Variants in FAM83F observed in about 807,000 individuals in gnomAD.
FAM83F encodes the protein scaffolding CK1 anchoring protein F.
FAM83F carries 45 observed loss-of-function variants against 42.9 expected under a neutral mutation model. The observed-to-expected ratio is 1.05, with a 90% confidence interval of 0.83 to 1.35. FAM83F has a LOEUF of 1.35. Ranked by LOEUF, FAM83F falls within the 40% of genes most tolerant of loss-of-function variation. The pLI, the probability that FAM83F is intolerant of heterozygous loss-of-function variation, is 0.00. For missense variants in FAM83F, 617 were observed against 695.9 expected, an observed-to-expected ratio of 0.89 and a Z score of 1.28; for synonymous variants, 306 against 298.3, an observed-to-expected ratio of 1.03 and a Z score of -0.27.
chr22:40,011,285 G>A (rs1022087802), intron 1 of FAM83F, among the ~76,000 whole-genome samples: 3 of 152,064 alleles, frequency 2.0e-5, no homozygotes, highest in African/African-American at 7.3e-5. Flanking sequence ...TCCACCTCCC[G>A]GGTTCAAGCC....
intron 4 of FAM83F, among the ~76,000 whole-genome samples, chr22:40,026,547 A>C (rs2067554018): frequency 6.6e-6 from 1 of 151,962 alleles, no homozygotes; most frequent in African/African-American, 2.4e-5. Flanking sequence ...AAAACAAAAA[A>C]CTGTTCGGAA....
intron 4 of FAM83F, among the ~76,000 whole-genome samples, chr22:40,022,394 G>T (rs2067528417): frequency 6.6e-6 from 1 of 152,214 alleles, no homozygotes; most frequent in African/African-American, 2.4e-5. Context: ...CTGGCTCTGA[G>T]TTGAGGGCTC....
chr22:39,995,278 C>G lies in FAM83F; in HGVS notation c.236C>G (p.Pro79Arg). 6.5e-7 allele frequency: 1 copy of G among 1,536,142 alleles called. No homozygotes were observed. The highest frequency in any genetic ancestry group is 8.7e-7 in the Non-Finnish European group (1 of 1,145,882). The change falls in exon 1 of 5, where the codon CCC (proline) becomes CGC (arginine). Residue 79 changes from proline to arginine, a missense_variant. By Grantham distance (103) the Pro-to-Arg change is moderately radical. Transcript: ENST00000333407. This position sits in a 1 kb window ranked among gnomAD's most constrained non-coding sequence, Gnocchi z 4.6. ...AAWSPYEDAV[P>R]AANARGKSKA... Reference sequence around the variant, plus strand: ...TGGAGCCCCTACGAGGACGCCGTCCCCGCCGCCAACGCCCGGGGCAAGAGC... The same window carrying G: ...TGGAGCCCCTACGAGGACGCCGTCCGCGCCGCCAACGCCCGGGGCAAGAGC...
intron 4 of FAM83F, 82 bp downstream of exon 4, chr22:40,022,045 C>G: frequency 8.3e-7 from 1 of 1,208,286 alleles, no homozygotes; most frequent in Non-Finnish European, 1.1e-6. Flanking sequence ...GGAGCACTGC[C>G]TCATACCTGC....
At position 40,041,382 on chromosome 22, in the gene FAM83F, C is replaced by T. The variant is rs1039657537; in HGVS notation, c.*11817C>T. 3 of 152,232 alleles carry T rather than the reference C, an allele frequency of 2.0e-5. No individual in the cohort carries two copies. The highest frequency in any genetic ancestry group is 6.5e-5 in the Admixed American group (1 of 15,286). The allele number at this position is 152,232 out of a possible 1,614,324, so 9.4% of individuals were successfully genotyped here. A position where few individuals can be genotyped will look rare whatever the true frequency, so the allele number is the denominator to read the frequency against. ...AGAGAGCACCCTGGCATAGCATTCTCTGACCTGGGCTGCCTTTTCAGGGTA... is the reference window on the plus strand; with the variant it reads ...AGAGAGCACCCTGGCATAGCATTCTTTGACCTGGGCTGCCTTTTCAGGGTA... On this transcript the variant is annotated 3_prime_UTR_variant, in exon 5 of 5. Transcript: ENST00000333407.
Position 40,036,717 on chromosome 22 carries a change from T to G in FAM83F, c.*7152T>G, listed in dbSNP as rs1284759917. On this transcript the variant is annotated 3_prime_UTR_variant, in exon 5 of 5. Coordinates refer to ENST00000333407, the MANE Select transcript of FAM83F (RefSeq NM_138435.4). ...GTGACTATAGCCTGGTGGGACGGGG[T>G]CTAGGGGCCACAGTCCTGGTCCTGC... 1 of 152,000 alleles carries G rather than the reference T, an allele frequency of 6.6e-6. No homozygotes were observed. The highest frequency in any genetic ancestry group is 1.5e-5 in the Non-Finnish European group (1 of 68,058). 9.4% of individuals were successfully genotyped at this position (152,000 alleles called of 1,614,324 possible).
Position 40,039,911 on chromosome 22 carries a change from T to C in FAM83F, c.*10346T>C, listed in dbSNP as rs2067644049. On this transcript the variant is annotated 3_prime_UTR_variant, in exon 5 of 5. Transcript: ENST00000333407. ...AAATGAATTTCAGTAGAGTTAGGGC[T>C]AGAAGCCAGGTTCAGAGAGAGAAAA... 1 of 152,216 alleles carries C rather than the reference T, an allele frequency of 6.6e-6. No homozygotes were observed. The highest frequency in any genetic ancestry group is 1.5e-5 in the Non-Finnish European group (1 of 68,044). The allele number at this position is 152,216 out of a possible 1,614,324, so 9.4% of individuals were successfully genotyped here. A position where few individuals can be genotyped will look rare whatever the true frequency, so the allele number is the denominator to read the frequency against.
At chr22:40,002,051 G>C (rs939092570) in intron 1 of FAM83F, among the ~76,000 whole-genome samples, 3 of 152,200 alleles carry the variant, frequency 2.0e-5, no homozygotes, top group African/African-American at 7.2e-5. Flanking sequence ...AGCTGCCTTC[G>C]GGAGGCTGTG....
At chr22:40,029,357 GC>G (rs1483733074) in intron 4 of FAM83F, among the ~76,000 whole-genome samples, 158 bp from the exon 5 acceptor site, 1 of 152,124 alleles carries the variant, frequency 6.6e-6, no homozygotes, top group African/African-American at 2.4e-5. Context: ...TTTCCCGGGT[GC>G]CCTATTGACT....
At chr22:40,019,865 G>A (rs1487066502) in intron 2 of FAM83F, 22 bp from the exon 3 acceptor site, 2 of 1,595,464 alleles carry the variant, frequency 1.3e-6, no homozygotes, top group Non-Finnish European at 1.7e-6. Context: ...CAGGTGACAG[G>A]GCCTTCTGCT....
At chr22:40,018,196 C>T (rs923630513) in intron 1 of FAM83F, among the ~76,000 whole-genome samples, 39 of 152,192 alleles carry the variant, frequency 2.6e-4, no homozygotes, top group African/African-American at 8.9e-4. Context: ...CAAGGGAATC[C>T]AAGCCAGCCG....
intron 1 of FAM83F, among the ~76,000 whole-genome samples, chr22:40,003,346 T>C (rs2067411370): frequency 6.6e-6 from 1 of 151,936 alleles, no homozygotes; most frequent in South Asian, 2.1e-4. Context: ...GCCCAGCAAC[T>C]GTCAGTCCCC....
In FAM83F at chr22:40,033,295, G is replaced by C. The variant is rs992580122; in HGVS notation, c.*3730G>C. ...AGACAGGGTTTCACTATGTTGGTCA[G>C]GCTGATCTTGAACTCCCGGCCTCAG... On this transcript the variant is annotated 3_prime_UTR_variant, in exon 5 of 5. Coordinates refer to ENST00000333407, the MANE Select transcript of FAM83F (RefSeq NM_138435.4). 2 of 152,046 alleles carry C rather than the reference G, an allele frequency of 1.3e-5. No homozygotes were observed. Among genetic ancestry groups the C allele is most frequent in the African/African-American group, 2.4e-5 (1 of 41,380 alleles). 9.4% of individuals were successfully genotyped at this position (152,046 alleles called of 1,614,324 possible). A position where few individuals can be genotyped will look rare whatever the true frequency, so the allele number is the denominator to read the frequency against.
rs747127782 is a variant in FAM83F, at chr22:40,021,917, T to C, written c.1407T>C (p.Phe469=). 1.3e-6 allele frequency: 2 copies of C among 1,584,936 alleles called. No homozygotes were observed. The highest frequency in any genetic ancestry group is 1.1e-5 in the South Asian group (1 of 90,054). Residue 469 remains phenylalanine (F), a synonymous_variant, in exon 4 of 5, where the codon TTT becomes TTC. Transcript: ENST00000333407. The surrounding 1 kb of genome is among the most constrained non-coding windows in gnomAD (Gnocchi z 8.7). ...CCACCGAGACCTCTGAAGTGGAGTT[T>C]CTGACGGGGAAGAGGCCCAACGAGA... ...SVSTETSEVE[F]LTGKRPNENS...
chr22:40,013,188 C>T (rs897352726), intron 1 of FAM83F, among the ~76,000 whole-genome samples: 6 of 151,548 alleles, frequency 4.0e-5, no homozygotes, highest in South Asian at 2.1e-4. Flanking sequence ...TTTCTTACCC[C>T]GTGTCATGAA....
chr22:40,025,426 A>G (rs1358868979), intron 4 of FAM83F, among the ~76,000 whole-genome samples: 1 of 152,186 alleles, frequency 6.6e-6, no homozygotes, highest in Non-Finnish European at 1.5e-5. Context: ...CAAAAAAATA[A>G]AAGCAAAAGT....
intron 1 of FAM83F, among the ~76,000 whole-genome samples, chr22:40,005,350 T>C (rs1390081454): frequency 6.6e-6 from 1 of 152,268 alleles, no homozygotes; most frequent in Non-Finnish European, 1.5e-5. Flanking sequence ...TAATTATGTT[T>C]GGCTTTAAGC....
rs762073447 is a variant in FAM83F, at chr22:40,021,798, G to A, written c.1288G>A (p.Gly430Arg). Residue 430 changes from glycine (G) to arginine (R), a missense_variant, in exon 4 of 5, where the codon GGG becomes AGG. Transcript: ENST00000333407. The surrounding 1 kb of genome is among the most constrained non-coding windows in gnomAD (Gnocchi z 8.7). ...SRNGMGEAAR[G>R]EAAPARRFSS... ...AAACGGCATGGGAGAAGCGGCCCGG[G>A]GGGAGGCCGCCCCCGCCAGGCGCTT... 9.3e-6 allele frequency: 15 copies of A among 1,612,494 alleles called. No individual in the cohort carries two copies. In the Middle Eastern group the frequency reaches 4.9e-4, roughly 53 times the overall value.
In FAM83F at chr22:40,000,902, G is replaced by A. The variant is rs116150617; in HGVS notation, c.489+5371G>A. 2.3e-3 allele frequency among the ~76,000 whole-genome samples: 347 copies of A among 152,276 alleles called. 1 individual carries two copies. The highest frequency in any genetic ancestry group is 8.2e-3 in the African/African-American group (339 of 41,544). ...TCTCAGGCAGCCCAGGGACCCACAGGCCCCATGCACTCCTAATCGTTCCAC... is the reference window on the plus strand; with the variant it reads ...TCTCAGGCAGCCCAGGGACCCACAGACCCCATGCACTCCTAATCGTTCCAC... On this transcript the variant is annotated intron_variant, in intron 1 of 4. Transcript: ENST00000333407.
Sources: allele counts gnomAD v4.1 joint callset (sites outside exome capture counted in the v4.1 genomes callset), GRCh38; gene constraint gnomAD v4.1.1; non-coding constraint Gnocchi (gnomAD v3.1); transcripts MANE v1.5; gene names NCBI Gene and HGNC (gene_info 2026-07-23, HGNC 2026-07-21).